The following CNTN5 variants were observed in gnomAD, a reference collection of about 807,000 sequenced individuals.
CNTN5 encodes contactin-5.
CNTN5 carries 77 observed loss-of-function variants against 129.1 expected under a neutral mutation model. The ratio of observed to expected loss-of-function variants is 0.60; its 90% CI spans 0.50 to 0.72. The LOEUF (loss-of-function observed/expected upper bound fraction) is 0.72. Ranked by LOEUF, CNTN5 falls within the 30% of genes least tolerant of loss-of-function variation. The pLI, the probability that CNTN5 is intolerant of heterozygous loss-of-function variation, is 0.00. For missense variants in CNTN5, 1,478 were observed against 1,328.8 expected, an observed-to-expected ratio of 1.11 and a Z score of -1.75; for synonymous variants, 509 against 465.6, an observed-to-expected ratio of 1.09 and a Z score of -1.20.
chr11:99,655,108 C>G (rs1055425200), intron 3 of CNTN5, among the ~76,000 whole-genome samples: 1 of 151,976 alleles, frequency 6.6e-6, no homozygotes, highest in African/African-American at 2.4e-5. Flanking sequence ...TGGGGGTCTT[C>G]AAACTGGTAG....
At chr11:99,822,208 A>G (rs1048002148) in intron 4 of CNTN5, among the ~76,000 whole-genome samples, 1 of 152,198 alleles carries the variant, frequency 6.6e-6, no homozygotes, top group East Asian at 1.9e-4. Context: ...TTTATGAAAA[A>G]TATAAAGACT....
chr11:99,813,144 GAAAAAATATC>G (rs2135526347), intron 3 of CNTN5, among the ~76,000 whole-genome samples: 1 of 152,052 alleles, frequency 6.6e-6, no homozygotes, highest in East Asian at 1.9e-4. Flanking sequence ...AAAAGTTATT[GAAAAAATATC>G]AGTGAAGGTT....
At chr11:99,341,226 C>T (rs962733) in intron 2 of CNTN5, among the ~76,000 whole-genome samples, 13,295 of 152,032 alleles carry the variant, frequency 0.087, 882 homozygotes, top group African/African-American at 0.18. Flanking sequence ...CTTCTAATAT[C>T]ACAATAAATA....
At chr11:99,411,104 T>A (rs987670570) in intron 2 of CNTN5, among the ~76,000 whole-genome samples, 7 of 152,242 alleles carry the variant, frequency 4.6e-5, no homozygotes, top group South Asian at 2.1e-4. Flanking sequence ...AGTTAATCAA[T>A]AAATCTATAT....
chr11:99,899,353 C>T (rs1949292700), intron 6 of CNTN5, among the ~76,000 whole-genome samples: 1 of 151,906 alleles, frequency 6.6e-6, no homozygotes, highest in African/African-American at 2.4e-5. Context: ...TCTGATGTTG[C>T]CTGTAGTTTG....
intron 2 of CNTN5, among the ~76,000 whole-genome samples, chr11:99,495,143 C>A (rs1254619362): frequency 1.3e-5 from 2 of 152,064 alleles, no homozygotes; most frequent in Non-Finnish European, 2.9e-5. Flanking sequence ...GCTAAGGCGG[C>A]AGATCACGAA....
intron 13 of CNTN5, among the ~76,000 whole-genome samples, chr11:100,113,239 T>G (rs1945713075): frequency 6.6e-6 from 1 of 151,356 alleles, no homozygotes; most frequent in African/African-American, 2.4e-5. Flanking sequence ...TTTACTGAAA[T>G]TACTTTACAT....
At chr11:99,482,310 G>A (rs897521102) in intron 2 of CNTN5, among the ~76,000 whole-genome samples, 4 of 152,120 alleles carry the variant, frequency 2.6e-5, no homozygotes, top group African/African-American at 4.8e-5. Flanking sequence ...TTTGAAAGCT[G>A]CAAAGAACAG....
intron 10 of CNTN5, among the ~76,000 whole-genome samples, chr11:100,070,165 CAAAAAA>C (rs3061793): frequency 1.8e-5 from 2 of 109,258 alleles, no homozygotes; most frequent in African/African-American, 6.5e-5. Context: ...ACTTAAAGTC[CAAAAAA>C]AAAAAAAAAA....
chr11:99,879,179 C>T (rs552884029), intron 6 of CNTN5, among the ~76,000 whole-genome samples: 15 of 151,968 alleles, frequency 9.9e-5, no homozygotes, highest in Admixed American at 5.2e-4. Context: ...ATCAGGTGAT[C>T]CACCCACCTC....
At chr11:100,267,272 CACACACACAGAG>C (rs1950322921) in intron 17 of CNTN5, among the ~76,000 whole-genome samples, 1 of 138,730 alleles carries the variant, frequency 7.2e-6, no homozygotes, top group African/African-American at 3.0e-5. Context: ...CACACACACA[CACACACACAGAG>C]AGAGAGAGAA....
At chr11:99,077,433 A>G (rs546092463) in intron 1 of CNTN5, among the ~76,000 whole-genome samples, 1 of 152,330 alleles carries the variant, frequency 6.6e-6, no homozygotes, top group South Asian at 2.1e-4. Context: ...GCACTACTCC[A>G]TAGATTCTGG....
intron 7 of CNTN5, among the ~76,000 whole-genome samples, chr11:99,936,398 A>G (rs946580505): frequency 5.3e-5 from 8 of 152,168 alleles, no homozygotes; most frequent in African/African-American, 1.9e-4. Context: ...AACTGGGTGA[A>G]TATTATCCAA....
intron 3 of CNTN5, among the ~76,000 whole-genome samples, chr11:99,669,490 A>C (rs759660429): frequency 2.0e-5 from 3 of 151,760 alleles, no homozygotes; most frequent in Admixed American, 1.3e-4. Flanking sequence ...GTATACATAT[A>C]TACACATATA....
At chr11:99,797,779 A>C (rs1241685318) in intron 3 of CNTN5, among the ~76,000 whole-genome samples, 1 of 152,078 alleles carries the variant, frequency 6.6e-6, no homozygotes, top group African/African-American at 2.4e-5. Flanking sequence ...TAGTTTAATT[A>C]GGTCCCACTT....
intron 1 of CNTN5, among the ~76,000 whole-genome samples, chr11:99,054,772 T>C (rs892898047): frequency 6.6e-6 from 1 of 151,894 alleles, no homozygotes; most frequent in Non-Finnish European, 1.5e-5. Context: ...AGGGTATTCA[T>C]AGGTGTATTG....
At chr11:99,975,696 C>G (rs1937906495) in intron 8 of CNTN5, among the ~76,000 whole-genome samples, 1 of 152,052 alleles carries the variant, frequency 6.6e-6, no homozygotes, top group Non-Finnish European at 1.5e-5. Context: ...CTCATGAGAA[C>G]TCTACCACCC....
At chr11:99,984,271 T>C (rs1162175894) in intron 8 of CNTN5, among the ~76,000 whole-genome samples, 3 of 132,758 alleles carry the variant, frequency 2.3e-5, no homozygotes, top group Admixed American at 8.6e-5. Context: ...CTAGACTCCA[T>C]CACAAAAAAA....
intron 17 of CNTN5, among the ~76,000 whole-genome samples, chr11:100,262,612 A>C (rs1314421309): frequency 1.3e-5 from 2 of 152,142 alleles, no homozygotes; most frequent in Admixed American, 6.6e-5. Flanking sequence ...ATGCAGCCAT[A>C]AAAAAGGATG....
Sources: gnomAD v4.1 joint callset for allele counts (sites outside exome capture counted in the v4.1 genomes callset) on GRCh38, gnomAD v4.1.1 for gene constraint, MANE v1.5 for transcripts, NCBI Gene and HGNC (gene_info 2026-07-23, HGNC 2026-07-21) for gene names.